Variants in CCM2L observed in about 807,000 individuals in gnomAD.
CCM2L encodes the protein CCM2 like scaffold protein, also known as cerebral cavernous malformations 2 protein-like.
A neutral mutation model predicts 54.1 loss-of-function variants in CCM2L; 36 were observed. That is an observed-to-expected ratio of 0.67 (90% CI 0.51 to 0.88). CCM2L has a LOEUF of 0.88. CCM2L is among the 40% of genes least tolerant of loss of function. The probability of loss-of-function intolerance (pLI) is 0.00; values close to 1 mark genes in which losing one functional copy is unlikely to be tolerated. For synonymous variants in CCM2L, 351 were observed against 359.3 expected (o/e 0.98, Z 0.26); for missense variants, 700 against 812.1 (o/e 0.86, Z 1.68).
Position 32,019,222 on chromosome 20 carries a change from G to T in CCM2L, c.746G>T (p.Arg249Leu). 1 of 1,155,634 alleles carries T rather than the reference G, an allele frequency of 8.7e-7. No homozygotes were observed. The highest frequency in any genetic ancestry group is 1.1e-6 in the Non-Finnish European group (1 of 926,648). 71.6% of individuals were successfully genotyped at this position (1,155,634 alleles called of 1,614,324 possible). A position where few individuals can be genotyped will look rare whatever the true frequency, so the allele number is the denominator to read the frequency against. ...CAGACGTTCAGCGGCAGCTGGGAGC[G>T]GCGGCACGGAGGCGGCGGCGGCGGC... ...RRQTFSGSWE[R>L]RHGGGGGGGG... Residue 249 changes from arginine to leucine, a missense_variant, in exon 5 of 10, where the codon CGG (arginine) becomes CTG (leucine). Transcript: ENST00000452892.
chr20:32,022,268 T>C (rs2064812087), intron 5 of CCM2L, among the ~76,000 whole-genome samples: 1 of 152,212 alleles, frequency 6.6e-6, no homozygotes, highest in African/African-American at 2.4e-5. Flanking sequence ...TTTTGATACA[T>C]TTAATCATCC....
intron 7 of CCM2L, among the ~76,000 whole-genome samples, chr20:32,026,659 T>G (rs1242394834): frequency 6.6e-6 from 1 of 152,182 alleles, no homozygotes; most frequent in Non-Finnish European, 1.5e-5. Flanking sequence ...GTGGATCGCT[T>G]GAGCCTGGGA....
At chr20:32,018,578 A>C (rs1035248505) in intron 4 of CCM2L, among the ~76,000 whole-genome samples, 4 of 151,136 alleles carry the variant, frequency 2.6e-5, no homozygotes, top group African/African-American at 9.7e-5. Flanking sequence ...GGAAGTCAGA[A>C]TCCAAGGGGG....
At chr20:32,015,130 C>T (rs2064731043) in intron 2 of CCM2L, 59 bp downstream of exon 2, 1 of 1,416,636 alleles carries the variant, frequency 7.1e-7, no homozygotes, top group African/African-American at 1.5e-5. Flanking sequence ...TTCACTTCTC[C>T]TTGACACCAA....
intron 5 of CCM2L, among the ~76,000 whole-genome samples, chr20:32,020,778 G>A (rs985830871): frequency 2.0e-5 from 3 of 152,104 alleles, no homozygotes; most frequent in Non-Finnish European, 4.4e-5. Flanking sequence ...CTGAGTTGAG[G>A]AGTTAAGACC....
chr20:32,011,098 C>G (rs948631034), intron 1 of CCM2L, among the ~76,000 whole-genome samples: 1 of 151,928 alleles, frequency 6.6e-6, no homozygotes, highest in East Asian at 1.9e-4. Context: ...TCCATCTTAC[C>G]CCCATTTCCA....
At chr20:32,015,195 C>A in intron 2 of CCM2L, 124 bp downstream of exon 2, 1 of 1,012,230 alleles carries the variant, frequency 9.9e-7, no homozygotes, top group Non-Finnish European at 1.4e-6. Flanking sequence ...GGAAAGAGGC[C>A]TGGGTTCATG....
chr20:32,030,923 A>G, intron 9 of CCM2L, 78 bp from the exon 10 acceptor site: 1 of 1,231,212 alleles, frequency 8.1e-7, no homozygotes, highest in South Asian at 1.3e-5. Context: ...TTGCACCCAG[A>G]TCTGCAGAGA....
At chr20:32,028,180 G>C (rs1178143617) in intron 7 of CCM2L, 1 of 152,176 alleles carries the variant, frequency 6.6e-6, no homozygotes, top group South Asian at 2.1e-4. Context: ...GCTCACGCCT[G>C]TAATCCCAGC....
chr20:32,030,677 A>G lies in CCM2L; in HGVS notation c.1403-324A>G, dbSNP rs533702363. ...ACATGAAACCCTGTCTCTACTAAAA[A>G]TACAAAAATTAGCAGGGCGTGGTGG... On this transcript the variant is annotated intron_variant, in intron 9 of 9. Transcript: ENST00000452892. Among the ~76,000 whole-genome samples, 9 of 152,102 alleles carry G rather than the reference A, an allele frequency of 5.9e-5. 1 individual carries two copies. The South Asian group carries it at 1.9e-3, about 32-fold the overall frequency.
intron 1 of CCM2L, 81 bp downstream of exon 1, chr20:32,010,565 G>A: frequency 9.3e-7 from 1 of 1,077,762 alleles, no homozygotes; most frequent in Non-Finnish European, 1.4e-6. Context: ...CGGGGTGGGG[G>A]GTCGGTAGCG....
Position 32,019,010 on chromosome 20 carries a change from C to T in CCM2L, c.534C>T (p.Gly178=). The T allele has an allele frequency of 7.5e-7, 1 of 1,340,602 alleles. No individual in the cohort carries two copies. Among genetic ancestry groups the T allele is most frequent in the South Asian group, 1.9e-5 (1 of 51,808 alleles). The allele number at this position is 1,340,602 out of a possible 1,614,324, so 83.0% of individuals were successfully genotyped here. A position where few individuals can be genotyped will look rare whatever the true frequency, so the allele number is the denominator to read the frequency against. Residue 178 remains glycine, a synonymous_variant, in exon 5 of 10, where the codon GGC becomes GGT. Transcript: ENST00000452892. The part of the protein sequence containing the change: ...ASPGGAGRDP[G]PPGGAPEKRR... ...CAGGCGGCGCAGGACGCGACCCCGG[C>T]CCGCCAGGCGGGGCGCCCGAGAAGC...
intron 9 of CCM2L, 46 bp downstream of exon 9, chr20:32,029,884 G>T (rs2064904862): frequency 6.6e-7 from 1 of 1,514,766 alleles, no homozygotes; most frequent in Non-Finnish European, 8.9e-7. Context: ...GCCCCTGCTT[G>T]GTCCATGCCA....
chr20:32,016,700 T>G (rs565309995), intron 2 of CCM2L, among the ~76,000 whole-genome samples: 71 of 152,280 alleles, frequency 4.7e-4, no homozygotes, highest in Non-Finnish European at 8.1e-4. Flanking sequence ...CAAATTTAAC[T>G]GGCATCCTAT....
chr20:32,018,884 G>T, intron 4 of CCM2L, 59 bp from the exon 5 acceptor site: 1 of 1,246,736 alleles, frequency 8.0e-7, no homozygotes, highest in Non-Finnish European at 1.0e-6. Context: ...GGCCTCGGCG[G>T]GGCGGGGGGG....
Position 32,019,127 on chromosome 20 carries a change from G to T in CCM2L, c.651G>T (p.Gly217=). 8.7e-7 allele frequency: 1 copy of T among 1,149,804 alleles called. No homozygotes were observed. Among genetic ancestry groups the T allele is most frequent in the Non-Finnish European group, 1.1e-6 (1 of 934,898 alleles). The allele number at this position is 1,149,804 out of a possible 1,614,324, so 71.2% of individuals were successfully genotyped here. A position where few individuals can be genotyped will look rare whatever the true frequency, so the allele number is the denominator to read the frequency against. ...GGGGCGCCGCGGAGGCCCGGGCCGGGGGAGGCGGCGGCGGCAGCTTGGAGC... is the reference window on the plus strand; with the variant it reads ...GGGGCGCCGCGGAGGCCCGGGCCGGTGGAGGCGGCGGCGGCAGCTTGGAGC... ...WGGGAAEARA[G]GGGGGSLERQ... The change falls in exon 5 of 10, where the codon GGG becomes GGT. Residue 217 remains glycine (G), a synonymous_variant. Transcript: ENST00000452892.
chr20:32,031,581 G>T lies in CCM2L; in HGVS notation c.*267G>T. ...CGGGCTGGGGCTGAGCAGCGATCCT[G>T]CTTTGTCCCAGAAGTCCAGAGGGAT... On this transcript the variant is annotated 3_prime_UTR_variant, in exon 10 of 10. Coordinates refer to ENST00000452892, the MANE Select transcript of CCM2L (RefSeq NM_001365692.1). 3.7e-6 allele frequency: 1 copy of T among 271,668 alleles called. No individual in the cohort carries two copies. Among genetic ancestry groups the T allele is most frequent in the Non-Finnish European group, 7.2e-6 (1 of 139,492 alleles). 16.8% of individuals were successfully genotyped at this position (271,668 alleles called of 1,614,324 possible).
chr20:32,019,460 TCCCC>T, intron 5 of CCM2L, 51 bp downstream of exon 5: 2 of 1,327,600 alleles, frequency 1.5e-6, no homozygotes, highest in Non-Finnish European at 9.9e-7. Context: ...GAACGCTGCT[TCCCC>T]GCCCCCACCT....
At chr20:32,024,902 A>C (rs1260624414) in intron 6 of CCM2L, among the ~76,000 whole-genome samples, 2 of 152,250 alleles carry the variant, frequency 1.3e-5, no homozygotes, top group Admixed American at 6.5e-5. Context: ...AGGGTAAGGA[A>C]GCAACACTGA....
Sources: allele counts gnomAD v4.1 joint callset (sites outside exome capture counted in the v4.1 genomes callset), GRCh38; gene constraint gnomAD v4.1.1; transcripts MANE v1.5; gene names NCBI Gene and HGNC (gene_info 2026-07-23, HGNC 2026-07-21).